The following NALF1 variants were observed in gnomAD, a reference collection of about 807,000 sequenced individuals.
NALF1 encodes the protein NALCN channel auxiliary factor 1.
NALF1 carries 3 observed loss-of-function variants against 48.4 expected under a neutral mutation model. The observed-to-expected ratio is 0.06, with a 90% CI of 0.03 to 0.16. The LOEUF (loss-of-function observed/expected upper bound fraction) is 0.16. Among genes scored for constraint, NALF1 ranks in the 10% least tolerant of loss-of-function variants. The pLI, the probability that NALF1 is intolerant of heterozygous loss-of-function variation, is 1.00. For synonymous variants in NALF1, 262 were observed against 245.7 expected, an observed-to-expected ratio of 1.07 and a Z score of -0.62; for missense variants, 526 against 571.5, an observed-to-expected ratio of 0.92 and a Z score of 0.81.
chr13:107,700,775 C>T (rs1881799674), intron 1 of NALF1, among the ~76,000 whole-genome samples: 1 of 151,432 alleles, frequency 6.6e-6, no homozygotes, highest in Admixed American at 6.6e-5. Context: ...ACTCTTACAA[C>T]TCAACAGCAG....
chr13:107,676,042 T>C (rs1881112319), intron 1 of NALF1, among the ~76,000 whole-genome samples: 1 of 152,142 alleles, frequency 6.6e-6, no homozygotes, highest in South Asian at 2.1e-4. Context: ...TTCTTCTTCC[T>C]TCCCCAAAGG....
At chr13:107,753,674 C>G (rs1241667416) in intron 1 of NALF1, among the ~76,000 whole-genome samples, 1 of 152,030 alleles carries the variant, frequency 6.6e-6, no homozygotes, top group East Asian at 1.9e-4. Flanking sequence ...GGATTTTATG[C>G]AATTTTCCTC....
chr13:107,192,518 C>A (rs1879304859), intron 2 of NALF1, among the ~76,000 whole-genome samples: 1 of 152,136 alleles, frequency 6.6e-6, no homozygotes, highest in Admixed American at 6.5e-5. Flanking sequence ...CGCTTAAGCA[C>A]CCGTGGTACA....
At chr13:107,530,355 A>C (rs1226550476) in intron 1 of NALF1, among the ~76,000 whole-genome samples, 1 of 152,144 alleles carries the variant, frequency 6.6e-6, no homozygotes, top group East Asian at 1.9e-4. Flanking sequence ...ACTAGCATGG[A>C]TACTTTTAAG....
intron 1 of NALF1, among the ~76,000 whole-genome samples, chr13:107,674,814 G>T (rs1881073522): frequency 6.6e-6 from 1 of 152,178 alleles, no homozygotes; most frequent in South Asian, 2.1e-4. Context: ...AAAGTCCAGG[G>T]TGGCAAAAGT....
chr13:107,843,688 G>A lies in NALF1; in HGVS notation c.915+21994C>T, dbSNP rs1026824206. On this transcript the variant is annotated intron_variant, in intron 1 of 2. Transcript: ENST00000375915. Reference sequence around the variant, plus strand: ...CCAGCAGATACACCCTAAAACTTCTGAAGTGCACATGGATGACCTCTTTAC... The same window carrying A: ...CCAGCAGATACACCCTAAAACTTCTAAAGTGCACATGGATGACCTCTTTAC... Among the ~76,000 whole-genome samples, 5 of 152,194 alleles carry A rather than the reference G, an allele frequency of 3.3e-5. No individual in the cohort carries two copies. The East Asian group carries it at 9.7e-4, about 29-fold the overall frequency.
At chr13:107,624,153 G>A (rs550633160) in intron 1 of NALF1, among the ~76,000 whole-genome samples, 4 of 152,212 alleles carry the variant, frequency 2.6e-5, no homozygotes, top group Non-Finnish European at 4.4e-5. Flanking sequence ...GACAACTGAG[G>A]TTCAGAAATG....
chr13:107,209,400 G>A (rs146649612), intron 2 of NALF1, among the ~76,000 whole-genome samples: 2,005 of 151,938 alleles, frequency 0.013, 46 homozygotes, highest in African/African-American at 0.046. Flanking sequence ...TCAGCTACTC[G>A]GGAGGCTGAG....
At chr13:107,520,757 T>A (rs1876210637) in intron 1 of NALF1, among the ~76,000 whole-genome samples, 1 of 152,268 alleles carries the variant, frequency 6.6e-6, no homozygotes, top group East Asian at 1.9e-4. Context: ...TGCATCACCA[T>A]CCACTAAATG....
chr13:107,668,891 C>G (rs1051459510), intron 1 of NALF1, among the ~76,000 whole-genome samples: 1 of 151,806 alleles, frequency 6.6e-6, no homozygotes, highest in African/African-American at 2.4e-5. Context: ...GACAGACAGC[C>G]CATAAATATT....
intron 1 of NALF1, among the ~76,000 whole-genome samples, chr13:107,523,614 G>A (rs1876325249): frequency 6.9e-6 from 1 of 143,994 alleles, no homozygotes; most frequent in Non-Finnish European, 1.5e-5. Context: ...TCTAGTCAAT[G>A]AGGTAACGGT....
At chr13:107,479,638 G>GA (rs1004844673) in intron 1 of NALF1, among the ~76,000 whole-genome samples, 10 of 137,882 alleles carry the variant, frequency 7.3e-5, no homozygotes, top group East Asian at 2.2e-4. Context: ...TTTGCTCTTG[G>GA]AAAAAAAAAT....
Position 107,325,887 on chromosome 13 carries a change from T to TATACAC in NALF1, c.916-115133_916-115132insGTGTAT, listed in dbSNP as rs752320518. On this transcript the variant is annotated intron_variant, in intron 1 of 2. Coordinates refer to ENST00000375915, the MANE Select transcript of NALF1 (RefSeq NM_001080396.3). ...ATATATATATATATATATATATATATACACACACACACACACACACATATA... is the reference window on the plus strand; with the variant it reads ...ATATATATATATATATATATATATATATACACACACACACACACACACACACATATA... Among the ~76,000 whole-genome samples the TATACAC allele has an allele frequency of 9.8e-3, 571 of 58,434 alleles. 2 individuals carry two copies. Among genetic ancestry groups the TATACAC allele is most frequent in the South Asian group, 0.021 (24 of 1,136 alleles). 38.3% of individuals were successfully genotyped at this position (58,434 alleles called of 152,430 possible).
chr13:107,733,437 C>T (rs569113076), intron 1 of NALF1, among the ~76,000 whole-genome samples: 1 of 152,214 alleles, frequency 6.6e-6, no homozygotes, highest in South Asian at 2.1e-4. Context: ...TATTTTTCTT[C>T]TTTTGGAATT....
intron 1 of NALF1, among the ~76,000 whole-genome samples, chr13:107,468,316 A>C (rs1885042135): frequency 6.6e-6 from 1 of 152,220 alleles, no homozygotes; most frequent in Admixed American, 6.5e-5. Flanking sequence ...GATTCCATTC[A>C]ACAAATATTA....
intron 1 of NALF1, among the ~76,000 whole-genome samples, chr13:107,462,880 T>C (rs539034501): frequency 3.3e-5 from 5 of 152,340 alleles, no homozygotes; most frequent in Non-Finnish European, 7.3e-5. Flanking sequence ...TTTGCTGATT[T>C]TAATCTGTAT....
At chr13:107,510,980 T>C (rs1334959245) in intron 1 of NALF1, among the ~76,000 whole-genome samples, 2 of 152,148 alleles carry the variant, frequency 1.3e-5, no homozygotes, top group African/African-American at 2.4e-5. Flanking sequence ...CCTGACAGCA[T>C]CTAGCCCAAA....
At chr13:107,420,125 A>C (rs1884160450) in intron 1 of NALF1, among the ~76,000 whole-genome samples, 2 of 152,166 alleles carry the variant, frequency 1.3e-5, no homozygotes, top group African/African-American at 4.8e-5. Context: ...CCCCAGAGAG[A>C]ACTGAAAGAT....
At chr13:107,225,556 C>T (rs1425508166) in intron 1 of NALF1, among the ~76,000 whole-genome samples, 2 of 150,296 alleles carry the variant, frequency 1.3e-5, no homozygotes, top group East Asian at 2.0e-4. Context: ...GCATTACAGG[C>T]GTGAACCACA....
Sources: allele counts gnomAD v4.1 joint callset (sites outside exome capture counted in the v4.1 genomes callset), GRCh38; gene constraint gnomAD v4.1.1; transcripts MANE v1.5; gene names NCBI Gene and HGNC (gene_info 2026-07-23, HGNC 2026-07-21).